The following SENP5 variants were observed in gnomAD, a reference collection of about 807,000 sequenced individuals.
SENP5 encodes the protein SUMO specific peptidase 5, also known as sentrin-specific protease 5.
SENP5 carries 21 observed loss-of-function variants against 74.2 expected under a neutral mutation model. The observed-to-expected ratio is 0.28, with a 90% CI of 0.20 to 0.41. The LOEUF is 0.41. Ranked by LOEUF, SENP5 falls within the 10% of genes least tolerant of loss-of-function variation. SENP5 has a pLI of 1.00. For synonymous variants in SENP5, 311 were observed against 312.7 expected (o/e 0.99, Z 0.06); for missense variants, 717 against 889.1 (o/e 0.81, Z 2.46).
intron 1 of SENP5, among the ~76,000 whole-genome samples, chr3:196,868,301 C>T (rs1713022107): frequency 2.0e-5 from 3 of 152,260 alleles, no homozygotes; most frequent in Admixed American, 2.0e-4. Flanking sequence ...CTCGCTCCAG[C>T]CGGGCTGTGC....
chr3:196,900,020 C>T lies in SENP5; in HGVS notation c.1716C>T (p.Asp572=), dbSNP rs369005871. The T allele has an allele frequency of 2.0e-5, 32 of 1,613,886 alleles. No homozygotes were observed. The highest frequency in any genetic ancestry group is 8.9e-5 in the East Asian group (4 of 44,882). The change falls in exon 4 of 10, where the codon GAC becomes GAT. Residue 572 remains aspartate, a synonymous_variant. Transcript: ENST00000323460. The part of the protein sequence containing the change: ...IFYNKHMLDM[D]DLATLDGQNW... Reference sequence around the variant, plus strand: ...ATAATAAACACATGCTGGATATGGACGACCTGGCGACTCTGGATGGTCAGA... The same window carrying T: ...ATAATAAACACATGCTGGATATGGATGACCTGGCGACTCTGGATGGTCAGA...
intron 2 of SENP5, among the ~76,000 whole-genome samples, chr3:196,888,912 C>T (rs985470118): frequency 4.6e-5 from 7 of 151,912 alleles, no homozygotes; most frequent in Non-Finnish European, 7.4e-5. Context: ...GTCAGGAGAT[C>T]GAGACCATCC....
chr3:196,886,240 A>C lies in SENP5; in HGVS notation c.1059A>C (p.Thr353=). 1 of 1,614,194 alleles carries C rather than the reference A, an allele frequency of 6.2e-7. No homozygotes were observed. Among genetic ancestry groups the C allele is most frequent in the Non-Finnish European group, 8.5e-7 (1 of 1,180,022 alleles). Residue 353 remains threonine (T), a synonymous_variant, in exon 2 of 10, where the codon ACA becomes ACC. Transcript: ENST00000323460. The stretch of plus-strand genomic sequence containing the variant: ...CTGACCAACAGAATGGCAGTGCCAC[A>C]AACGCCTGGGACCAGTCATCCTGTT... ...AFPDQQNGSA[T]NAWDQSSCSS... is the part of the protein sequence containing the mutation.
intron 2 of SENP5, among the ~76,000 whole-genome samples, chr3:196,898,425 C>T (rs935216434): frequency 3.3e-5 from 5 of 150,786 alleles, no homozygotes; most frequent in Non-Finnish European, 7.4e-5. Context: ...GCAAGACCCT[C>T]ATCTTAAAAA....
chr3:196,889,912 A>T (rs1309825606), intron 2 of SENP5, among the ~76,000 whole-genome samples: 1 of 152,180 alleles, frequency 6.6e-6, no homozygotes, highest in South Asian at 2.1e-4. Context: ...GTAGTTGGGG[A>T]ATCTCTCCCT....
chr3:196,898,901 C>T (rs1714575747), intron 2 of SENP5, among the ~76,000 whole-genome samples: 1 of 151,422 alleles, frequency 6.6e-6, no homozygotes, highest in Non-Finnish European at 1.5e-5. Context: ...ATGATGATTC[C>T]ATTCGTCTCT....
chr3:196,899,004 G>A (rs1031293513), intron 2 of SENP5, among the ~76,000 whole-genome samples: 4 of 151,720 alleles, frequency 2.6e-5, no homozygotes, highest in Middle Eastern at 3.4e-3. Context: ...GCGTGAACCC[G>A]GGAGGTGGAG....
In SENP5 at chr3:196,886,080, C is replaced by T; in HGVS notation, c.899C>T (p.Ser300Phe). ...CCTTCCCCAGAACCTAAAGACCCTT[C>T]TTGTCGGCATCAGCCGTACTTTCCA... Reference protein sequence around the residue: ...PFPSPEPKDPSCRHQPYFPDM... With the variant: ...PFPSPEPKDPFCRHQPYFPDM... The change falls in exon 2 of 10, where the codon TCT becomes TTT. Residue 300 changes from serine to phenylalanine, a missense_variant. This residue lies in a region of SENP5 where 567 missense variants were observed against 577.4 expected (regional missense o/e 0.98). Coordinates refer to ENST00000323460, the MANE Select transcript of SENP5 (RefSeq NM_152699.5). 2 of 1,614,234 alleles carry T rather than the reference C, an allele frequency of 1.2e-6. No individual in the cohort carries two copies. The highest frequency in any genetic ancestry group is 1.7e-6 in the Non-Finnish European group (2 of 1,180,044).
In SENP5 at chr3:196,900,002, A is replaced by T; in HGVS notation, c.1698A>T (p.Lys566Asn). 6.2e-7 allele frequency: 1 copy of T among 1,614,158 alleles called. No homozygotes were observed. The highest frequency in any genetic ancestry group is 8.5e-7 in the Non-Finnish European group (1 of 1,180,016). Residue 566 changes from lysine to asparagine, a missense_variant, in exon 4 of 10, where the codon AAA (lysine) becomes AAT (asparagine). Physicochemically the swap from Lys to Asn is moderately conservative, Grantham distance 94. This residue lies in a region of SENP5 where 64 missense variants were observed against 100.8 expected (regional missense o/e 0.64). Transcript: ENST00000323460. ...GTAACTTCCGTATCTTCTATAATAA[A>T]CACATGCTGGATATGGACGACCTGG... ...QKCNFRIFYN[K>N]HMLDMDDLAT...
intron 6 of SENP5, among the ~76,000 whole-genome samples, chr3:196,912,150 T>C (rs551696780): frequency 1.3e-5 from 2 of 152,298 alleles, no homozygotes; most frequent in East Asian, 1.9e-4. Flanking sequence ...GCAGTACTCA[T>C]AGCAAAGACA....
intron 2 of SENP5, among the ~76,000 whole-genome samples, chr3:196,892,695 T>A (rs1261961358): frequency 6.6e-6 from 1 of 152,176 alleles, no homozygotes; most frequent in Non-Finnish European, 1.5e-5. Flanking sequence ...TTTATGACCC[T>A]TGACCAACAT....
Position 196,899,655 on chromosome 3 carries a change from C to T in SENP5, c.1514-11C>T. The T allele has an allele frequency of 1.3e-6, 2 of 1,552,012 alleles. No homozygotes were observed. Among genetic ancestry groups the T allele is most frequent in the Non-Finnish European group, 1.8e-6 (2 of 1,128,682 alleles). ...TTTCCATCTTAACTTTTCTTTCTTCCTTTATTTAAGGATTCCTAGATGAGG... is the reference window on the plus strand; with the variant it reads ...TTTCCATCTTAACTTTTCTTTCTTCTTTTATTTAAGGATTCCTAGATGAGG... On this transcript the variant is annotated splice_polypyrimidine_tract_variant and intron_variant, in intron 2 of 9. Coordinates refer to ENST00000323460, the MANE Select transcript of SENP5 (RefSeq NM_152699.5).
chr3:196,885,514 C>A lies in SENP5; in HGVS notation c.333C>A (p.Leu111=). ...AKHFISSSKT[L]LRLQAEKLLS... ...ACTTCATTTCCTCCTCAAAGACTCT[C>A]CTGAGACTCCAAGCAGAGAAGCTGT... The change falls in exon 2 of 10, where the codon CTC becomes CTA. Residue 111 remains leucine (L), a synonymous_variant. Coordinates refer to ENST00000323460, the MANE Select transcript of SENP5 (RefSeq NM_152699.5). 6.2e-7 allele frequency: 1 copy of A among 1,614,136 alleles called. No individual in the cohort carries two copies. Among genetic ancestry groups the A allele is most frequent in the Non-Finnish European group, 8.5e-7 (1 of 1,180,042 alleles).
chr3:196,886,437 A>C lies in SENP5; in HGVS notation c.1256A>C (p.Asp419Ala). The C allele has an allele frequency of 6.2e-7, 1 of 1,610,860 alleles. No individual in the cohort carries two copies. The highest frequency in any genetic ancestry group is 1.1e-5 in the South Asian group (1 of 90,688). Residue 419 changes from aspartate to alanine, a missense_variant, in exon 2 of 10, where the codon GAT becomes GCT. Transcript: ENST00000323460. ...DRVKLSVSGA[D>A]TSVSSVDGPV... is the part of the protein sequence containing the mutation. ...GTAAAACTGTCAGTGTCTGGAGCAG[A>C]TACATCTGTGAGTAGCGTAGATGGG...
intron 6 of SENP5, among the ~76,000 whole-genome samples, chr3:196,915,063 A>C (rs562587162): frequency 1.3e-5 from 2 of 152,336 alleles, no homozygotes; most frequent in South Asian, 4.1e-4. Context: ...CCAGAGGAGA[A>C]TCTTCCGCCC....
At chr3:196,929,997 A>AC in intron 9 of SENP5, among the ~76,000 whole-genome samples, 1 of 152,216 alleles carries the variant, frequency 6.6e-6, no homozygotes, top group East Asian at 1.9e-4. Context: ...TAAAAAAAAA[A>AC]AAAAAAAAAC....
intron 6 of SENP5, among the ~76,000 whole-genome samples, chr3:196,906,924 T>C (rs1714925492): frequency 6.6e-6 from 1 of 152,100 alleles, no homozygotes; most frequent in African/African-American, 2.4e-5. Context: ...TACTTTGAAG[T>C]AGAATGATAG....
At chr3:196,921,216 G>A (rs1212018843) in intron 6 of SENP5, among the ~76,000 whole-genome samples, 1 of 152,164 alleles carries the variant, frequency 6.6e-6, no homozygotes, top group Non-Finnish European at 1.5e-5. Context: ...TTAGATGCAT[G>A]CCCTAAAGGT....
chr3:196,891,040 AAAC>A (rs1714178919), intron 2 of SENP5, among the ~76,000 whole-genome samples: 1 of 152,246 alleles, frequency 6.6e-6, no homozygotes, highest in Non-Finnish European at 1.5e-5. Flanking sequence ...CAGAAAGTGA[AAAC>A]AACCTAAATG....
Sources: allele counts gnomAD v4.1 joint callset (sites outside exome capture counted in the v4.1 genomes callset), GRCh38; gene constraint gnomAD v4.1.1; regional missense constraint gnomAD v4.1.1; transcripts MANE v1.5; gene names NCBI Gene and HGNC (gene_info 2026-07-23, HGNC 2026-07-21).